The following IMMP2L variants were observed in gnomAD, a reference collection of about 807,000 sequenced individuals.
IMMP2L encodes the protein mitochondrial inner membrane protease subunit 2.
Under a neutral mutation model 19.3 loss-of-function variants are expected in IMMP2L, and 18 were observed. The observed-to-expected ratio is 0.93, with a 90% CI of 0.64 to 1.38. The LOEUF (loss-of-function observed/expected upper bound fraction) is 1.38, where lower values mean the gene tolerates loss of function less well. Ranked by LOEUF, IMMP2L falls within the 40% of genes most tolerant of loss-of-function variation. The pLI is 0.00. For missense variants in IMMP2L, 233 were observed against 218.2 expected, an observed-to-expected ratio of 1.07 and a Z score of -0.43; for synonymous variants, 76 against 73.0, an observed-to-expected ratio of 1.04 and a Z score of -0.21.
At chr7:110,922,526 C>G (rs1563083115) in intron 4 of IMMP2L, among the ~76,000 whole-genome samples, 1 of 151,978 alleles carries the variant, frequency 6.6e-6, no homozygotes, top group African/African-American at 2.4e-5. Flanking sequence ...TATCTAAATC[C>G]ACTTGACATA....
intron 3 of IMMP2L, among the ~76,000 whole-genome samples, chr7:110,974,180 A>C (rs1386951466): frequency 6.6e-6 from 1 of 152,162 alleles, no homozygotes; most frequent in Non-Finnish European, 1.5e-5. Context: ...AAATAAAAGC[A>C]ACTTCTCAGA....
chr7:110,963,693 C>T (rs576068513), intron 3 of IMMP2L, 128 bp from the exon 4 acceptor site: 7 of 453,376 alleles, frequency 1.5e-5, no homozygotes, highest in East Asian at 7.0e-5. Flanking sequence ...CATGACATGA[C>T]ATCAGTCTCA....
chr7:111,443,577 T>C (rs557492108), intron 3 of IMMP2L, among the ~76,000 whole-genome samples: 2 of 152,304 alleles, frequency 1.3e-5, no homozygotes, highest in East Asian at 3.9e-4. Context: ...TGTGCTGCTT[T>C]ACATTTCTTC....
intron 5 of IMMP2L, among the ~76,000 whole-genome samples, chr7:110,875,298 A>G (rs1808954556): frequency 6.6e-6 from 1 of 152,192 alleles, no homozygotes; most frequent in South Asian, 2.1e-4. Flanking sequence ...CCAAGCTAGT[A>G]GATTTAAAGA....
At position 111,249,459 on chromosome 7, in the gene IMMP2L, A is replaced by G. The variant is rs908030212; in HGVS notation, c.239+237779T>C. Among the ~76,000 whole-genome samples, 19 of 150,466 alleles carry G rather than the reference A, an allele frequency of 1.3e-4. No individual in the cohort carries two copies. In the East Asian group the frequency reaches 3.6e-3, roughly 28 times the overall value. On this transcript the variant is annotated intron_variant, in intron 3 of 5. Transcript: ENST00000405709. ...GAGATGAACCCGGTACCTCAGATGG[A>G]AATGCAGAAATCACCGTCTTCTGCG...
intron 3 of IMMP2L, among the ~76,000 whole-genome samples, chr7:111,265,384 C>A (rs1283373060): frequency 6.6e-6 from 1 of 152,146 alleles, no homozygotes; most frequent in Non-Finnish European, 1.5e-5. Flanking sequence ...CTCTGATTCT[C>A]AATGGAATCT....
At chr7:111,265,213 C>T (rs1817702692) in intron 3 of IMMP2L, among the ~76,000 whole-genome samples, 1 of 152,164 alleles carries the variant, frequency 6.6e-6, no homozygotes, top group African/African-American at 2.4e-5. Flanking sequence ...CACGTGAGTA[C>T]ATTCTCTCCA....
chr7:111,312,068 C>T (rs1028652552), intron 3 of IMMP2L, among the ~76,000 whole-genome samples: 8 of 152,140 alleles, frequency 5.3e-5, no homozygotes, highest in African/African-American at 1.9e-4. Flanking sequence ...GTGGGTCACA[C>T]ATGATAAACC....
chr7:111,199,088 T>A (rs1474657460), intron 3 of IMMP2L, among the ~76,000 whole-genome samples: 1 of 150,812 alleles, frequency 6.6e-6, no homozygotes, highest in East Asian at 1.9e-4. Flanking sequence ...TTTGTGTCCA[T>A]TTTTTTTTCA....
At chr7:110,694,895 T>A (rs1310159473) in intron 5 of IMMP2L, among the ~76,000 whole-genome samples, 1 of 151,980 alleles carries the variant, frequency 6.6e-6, no homozygotes, top group African/African-American at 2.4e-5. Context: ...ATAAAAAAAA[T>A]GAAATACTGA....
chr7:111,541,160 T>C (rs1329721244), intron 1 of IMMP2L, among the ~76,000 whole-genome samples: 1 of 152,154 alleles, frequency 6.6e-6, no homozygotes, highest in African/African-American at 2.4e-5. Flanking sequence ...CCTTCCAATA[T>C]CAGAATGGCC....
intron 3 of IMMP2L, among the ~76,000 whole-genome samples, chr7:111,179,220 G>C (rs934566937): frequency 2.0e-5 from 3 of 151,948 alleles, no homozygotes; most frequent in East Asian, 3.9e-4. Context: ...TTTTATCTGA[G>C]AAGTAGGTCT....
At chr7:111,413,095 A>C (rs1834586299) in intron 3 of IMMP2L, among the ~76,000 whole-genome samples, 1 of 48,888 alleles carries the variant, frequency 2.0e-5, no homozygotes, top group Non-Finnish European at 4.8e-5. Flanking sequence ...AAAACAGAGG[A>C]CTATTGTGAA....
intron 3 of IMMP2L, among the ~76,000 whole-genome samples, chr7:111,365,259 A>AC (rs1314687249): frequency 2.0e-5 from 3 of 152,092 alleles, no homozygotes; most frequent in Non-Finnish European, 4.4e-5. Context: ...ATTATTTGAA[A>AC]CTGTTCAGGT....
At chr7:110,741,377 A>T (rs1027817244) in intron 5 of IMMP2L, among the ~76,000 whole-genome samples, 1 of 152,268 alleles carries the variant, frequency 6.6e-6, no homozygotes, top group Non-Finnish European at 1.5e-5. Flanking sequence ...CTTAATTTCC[A>T]GTGTGATTGT....
At chr7:110,752,418 CA>C in intron 5 of IMMP2L, among the ~76,000 whole-genome samples, 1 of 152,056 alleles carries the variant, frequency 6.6e-6, no homozygotes, top group East Asian at 1.9e-4. Flanking sequence ...GATTATGAGA[CA>C]CTATAATTAC....
intron 5 of IMMP2L, among the ~76,000 whole-genome samples, chr7:110,753,779 T>G (rs925929840): frequency 1.3e-5 from 2 of 151,198 alleles, no homozygotes; most frequent in Non-Finnish European, 3.0e-5. Flanking sequence ...TGTGTGTGTG[T>G]GGTTAGTAGA....
At chr7:111,054,231 A>T (rs1793282210) in intron 3 of IMMP2L, among the ~76,000 whole-genome samples, 1 of 152,220 alleles carries the variant, frequency 6.6e-6, no homozygotes, top group African/African-American at 2.4e-5. Context: ...AATCTATGCC[A>T]CTGAGACAGA....
intron 3 of IMMP2L, among the ~76,000 whole-genome samples, chr7:111,218,877 C>T (rs1001832252): frequency 2.6e-5 from 4 of 151,978 alleles, no homozygotes; most frequent in Non-Finnish European, 5.9e-5. Context: ...TCTTGAAAAT[C>T]AAGGGCCTGC....
Sources: allele counts gnomAD v4.1 joint callset (sites outside exome capture counted in the v4.1 genomes callset), GRCh38; gene constraint gnomAD v4.1.1; transcripts MANE v1.5; gene names NCBI Gene and HGNC (gene_info 2026-07-23, HGNC 2026-07-21).